Variants in FUT8 observed in about 807,000 individuals in gnomAD.
FUT8 encodes fucosyltransferase 8.
Under a neutral mutation model 71.3 loss-of-function variants are expected in FUT8, and 29 were observed. The observed-to-expected ratio is 0.41, with a 90% CI of 0.30 to 0.55. FUT8 has a LOEUF of 0.55. FUT8 is among the 20% of genes least tolerant of loss of function. The probability of loss-of-function intolerance (pLI) is 0.34; values close to 1 mark genes in which losing one functional copy is unlikely to be tolerated. For synonymous variants in FUT8, 254 were observed against 239.3 expected (o/e 1.06, Z -0.57); for missense variants, 544 against 702.1 (o/e 0.77, Z 2.55).
chr14:65,404,694 C>T, the FUT8 span, among the ~76,000 whole-genome samples: 5 of 152,090 alleles, frequency 3.3e-5, no homozygotes, highest in Admixed American at 6.5e-5. Flanking sequence ...AAGATGGTCT[C>T]GATCTCTTGA....
intron 6 of FUT8, among the ~76,000 whole-genome samples, chr14:65,661,078 G>T (rs559066652): frequency 4.6e-5 from 7 of 152,072 alleles, no homozygotes; most frequent in Non-Finnish European, 7.4e-5. Flanking sequence ...CCTTTTTTTG[G>T]TTTTTACTGA....
chr14:65,630,431 T>C (rs984355056), intron 6 of FUT8, among the ~76,000 whole-genome samples: 8 of 152,218 alleles, frequency 5.3e-5, no homozygotes, highest in Admixed American at 5.2e-4. Context: ...CTGCTTAATA[T>C]GCCATAAGCA....
intron 7 of FUT8, among the ~76,000 whole-genome samples, chr14:65,698,442 A>T (rs1310223869): frequency 1.3e-5 from 2 of 152,230 alleles, no homozygotes; most frequent in Non-Finnish European, 2.9e-5. Flanking sequence ...TCTGAGGCAG[A>T]AGACCTATGT....
At chr14:65,587,681 G>T (rs1470144541) in intron 3 of FUT8, among the ~76,000 whole-genome samples, 1 of 152,174 alleles carries the variant, frequency 6.6e-6, no homozygotes, top group Non-Finnish European at 1.5e-5. Context: ...AGTCCACTTG[G>T]ACTATTAAAA....
At chr14:65,389,628 A>G in the FUT8 span, among the ~76,000 whole-genome samples, 2 of 151,620 alleles carry the variant, frequency 1.3e-5, no homozygotes, top group African/African-American at 2.4e-5. Flanking sequence ...TAATTTTTAT[A>G]TTTTTAGTAG....
the FUT8 span, among the ~76,000 whole-genome samples, chr14:65,361,662 C>T: frequency 6.6e-6 from 1 of 151,980 alleles, no homozygotes; most frequent in African/African-American, 2.4e-5. Flanking sequence ...GTGGCATGTG[C>T]CTGTATTCCC....
intron 2 of FUT8, among the ~76,000 whole-genome samples, chr14:65,535,878 G>A (rs1309162198): frequency 2.0e-5 from 3 of 152,110 alleles, no homozygotes; most frequent in African/African-American, 7.2e-5. Flanking sequence ...TGTTGGTGAG[G>A]TGTTGAAGAC....
intron 1 of FUT8, among the ~76,000 whole-genome samples, chr14:65,440,637 C>T (rs2065640472): frequency 6.6e-6 from 1 of 152,080 alleles, no homozygotes; most frequent in Non-Finnish European, 1.5e-5. Flanking sequence ...CTTCTATTTG[C>T]CAATTAAAAT....
chr14:65,480,637 C>G (rs1298938974), intron 2 of FUT8, among the ~76,000 whole-genome samples: 1 of 151,290 alleles, frequency 6.6e-6, no homozygotes, highest in African/African-American at 2.4e-5. Flanking sequence ...TCAGACACCA[C>G]TTTTGATTCT....
chr14:65,447,307 A>C (rs893483843), intron 1 of FUT8, among the ~76,000 whole-genome samples: 2 of 151,140 alleles, frequency 1.3e-5, no homozygotes, highest in Non-Finnish European at 3.0e-5. Context: ...AAAAAAAAAA[A>C]CCCAAAAGAA....
the FUT8 span, among the ~76,000 whole-genome samples, chr14:65,374,727 T>A: frequency 6.6e-6 from 1 of 151,990 alleles, no homozygotes; most frequent in African/African-American, 2.4e-5. Flanking sequence ...CCCAAGTAGC[T>A]GGGACTACAA....
At chr14:65,455,486 A>G (rs2065883815) in intron 1 of FUT8, 135 bp from the exon 2 acceptor site, 1 of 390,470 alleles carries the variant, frequency 2.6e-6, no homozygotes, top group Non-Finnish European at 4.5e-6. Context: ...AGAATAAGTC[A>G]GTGTACAAAA....
intron 7 of FUT8, among the ~76,000 whole-genome samples, chr14:65,683,474 A>C (rs1461100959): frequency 6.6e-6 from 1 of 152,234 alleles, no homozygotes; most frequent in Admixed American, 6.5e-5. Context: ...AGGAAATGAC[A>C]CAAGATTGGC....
At chr14:65,566,359 T>C (rs1886193645) in intron 3 of FUT8, among the ~76,000 whole-genome samples, 1 of 152,016 alleles carries the variant, frequency 6.6e-6, no homozygotes. Context: ...AAATAGATAC[T>C]GCATCTTGGT....
intron 7 of FUT8, among the ~76,000 whole-genome samples, chr14:65,694,892 G>A (rs1299914529): frequency 1.7e-5 from 2 of 116,886 alleles, no homozygotes; most frequent in Non-Finnish European, 3.4e-5. Context: ...GGGGACTGTT[G>A]TGGGGTGGGG....
In FUT8 at chr14:65,627,131, A is replaced by G. The variant is rs138398197; in HGVS notation, c.483-2361A>G. The stretch of plus-strand genomic sequence containing the variant: ...ATTTTAAATAACAAAAAACAAAAAA[A>G]TAAAAGAAGCAACCAAAAAAAAGTT... On this transcript the variant is annotated intron_variant, in intron 5 of 10. Transcript: ENST00000673929. This position sits in a 1 kb window ranked among gnomAD's most constrained non-coding sequence, Gnocchi z 4.0. Among the ~76,000 whole-genome samples the G allele has an allele frequency of 0.01, 1,580 of 152,354 alleles. 27 individuals carry two copies. The highest frequency in any genetic ancestry group is 0.036 in the African/African-American group (1,514 of 41,576).
chr14:65,464,321 C>A (rs1242514272), intron 2 of FUT8, among the ~76,000 whole-genome samples: 1 of 72,362 alleles, frequency 1.4e-5, no homozygotes, highest in South Asian at 4.4e-4. Flanking sequence ...AGTTTTATTT[C>A]TTTCTTCTCA....
chr14:65,514,498 C>A (rs748001451), intron 2 of FUT8, among the ~76,000 whole-genome samples: 1 of 152,172 alleles, frequency 6.6e-6, no homozygotes, highest in African/African-American at 2.4e-5. Flanking sequence ...AACCCTTGTT[C>A]CTGCTATGGC....
intron 7 of FUT8, among the ~76,000 whole-genome samples, chr14:65,719,184 A>G (rs981208100): frequency 2.0e-5 from 3 of 151,726 alleles, no homozygotes; most frequent in Non-Finnish European, 4.4e-5. Context: ...TTGACAGTGT[A>G]TTTTCAAATA....
Sources: gnomAD v4.1 joint callset for allele counts (sites outside exome capture counted in the v4.1 genomes callset) on GRCh38, gnomAD v4.1.1 for gene constraint, Gnocchi (gnomAD v3.1) non-coding constraint, MANE v1.5 for transcripts, NCBI Gene and HGNC (gene_info 2026-07-23, HGNC 2026-07-21) for gene names.